The following RALY variants were observed in gnomAD, a reference collection of about 807,000 sequenced individuals.
The protein encoded by RALY is RALY heterogeneous nuclear ribonucleoprotein.
Under a neutral mutation model 30.7 loss-of-function variants are expected in RALY, and 15 were observed. The observed-to-expected ratio is 0.49, with a 90% CI of 0.33 to 0.75. The LOEUF is 0.75. Among genes scored for constraint, RALY ranks in the 30% least tolerant of loss-of-function variants. The pLI is 0.02. For missense variants in RALY, 339 were observed against 414.3 expected, an observed-to-expected ratio of 0.82 and a Z score of 1.58; for synonymous variants, 177 against 170.8, an observed-to-expected ratio of 1.04 and a Z score of -0.28.
At position 34,078,526 on chromosome 20, in the gene RALY, G is replaced by A. The variant is rs756652470; in HGVS notation, c.898G>A (p.Ala300Thr). Reference sequence around the variant, plus strand: ...TCAGGAACACAGCCAGGACACAGACGCGGATGATGGGGCCTTGCAGTAAGC... The same window carrying A: ...TCAGGAACACAGCCAGGACACAGACACGGATGATGGGGCCTTGCAGTAAGC... ...EELEHSQDTDADDGALQ is the reference protein window; with the variant it reads ...EELEHSQDTDTDDGALQ Residue 300 changes from alanine to threonine, a missense_variant, in exon 9 of 10, where the codon GCG becomes ACG. This residue lies in a region of RALY where 268 missense variants were observed against 280.6 expected (regional missense o/e 0.95). Coordinates refer to ENST00000246194, the MANE Select transcript of RALY (RefSeq NM_016732.3). The A allele has an allele frequency of 5.0e-6, 8 of 1,588,994 alleles. No individual in the cohort carries two copies. The highest frequency in any genetic ancestry group is 4.7e-5 in the East Asian group (2 of 42,842).
intron 9 of RALY, 138 bp from the exon 10 acceptor site, chr20:34,079,771 AT>A (rs2033993346): frequency 6.6e-6 from 1 of 152,298 alleles, no homozygotes; most frequent in African/African-American, 2.4e-5. Context: ...TGGCCAGGAA[AT>A]TATGAGGCCA....
intron 1 of RALY, among the ~76,000 whole-genome samples, chr20:34,004,535 C>A (rs2031073330): frequency 6.6e-6 from 1 of 152,168 alleles, no homozygotes; most frequent in South Asian, 2.1e-4. Flanking sequence ...GAGTAGTATC[C>A]ATATTCCTGC....
At chr20:34,061,816 A>G (rs1421832605) in intron 2 of RALY, among the ~76,000 whole-genome samples, 2 of 152,204 alleles carry the variant, frequency 1.3e-5, no homozygotes, top group Non-Finnish European at 2.9e-5. Flanking sequence ...TAAGTAAGCA[A>G]GTAGGTAGAA....
At chr20:34,013,787 A>G (rs1232676142) in intron 1 of RALY, among the ~76,000 whole-genome samples, 5 of 152,174 alleles carry the variant, frequency 3.3e-5, no homozygotes, top group Non-Finnish European at 7.3e-5. Context: ...ATAGTGTGCT[A>G]CTTATCTCTA....
At chr20:34,075,030 C>T (rs1164028901) in intron 5 of RALY, among the ~76,000 whole-genome samples, 1 of 152,178 alleles carries the variant, frequency 6.6e-6, no homozygotes, top group African/African-American at 2.4e-5. Flanking sequence ...GACCACTTCT[C>T]AGCCTACTGA....
At chr20:34,050,451 C>G (rs942760941) in intron 2 of RALY, among the ~76,000 whole-genome samples, 7 of 152,212 alleles carry the variant, frequency 4.6e-5, no homozygotes, top group Admixed American at 4.6e-4. Flanking sequence ...TCCAAAAATG[C>G]TTTGCTGTTG....
intron 2 of RALY, among the ~76,000 whole-genome samples, chr20:34,059,267 C>T (rs554233990): frequency 6.6e-6 from 1 of 152,288 alleles, no homozygotes; most frequent in East Asian, 1.9e-4. Flanking sequence ...GAGGAAAATA[C>T]TGATTCTGCA....
At chr20:33,996,485 T>G (rs547321204) in intron 1 of RALY, among the ~76,000 whole-genome samples, 12 of 152,288 alleles carry the variant, frequency 7.9e-5, no homozygotes, top group African/African-American at 2.9e-4. Context: ...AATTAAGTAC[T>G]ATTATTATCC....
intron 2 of RALY, among the ~76,000 whole-genome samples, chr20:34,051,040 G>A (rs1401695135): frequency 6.6e-6 from 1 of 152,166 alleles, no homozygotes; most frequent in African/African-American, 2.4e-5. Flanking sequence ...AGGGATGACT[G>A]GGAACCTTGC....
intron 2 of RALY, among the ~76,000 whole-genome samples, chr20:34,054,529 C>G (rs1453341958): frequency 6.6e-6 from 1 of 152,114 alleles, no homozygotes; most frequent in Admixed American, 6.5e-5. Flanking sequence ...ACTGCCAGAT[C>G]AGAAATTGGT....
intron 6 of RALY, among the ~76,000 whole-genome samples, 197 bp from the exon 7 acceptor site, chr20:34,076,505 G>C (rs1049706889): frequency 4.6e-5 from 7 of 152,248 alleles, no homozygotes; most frequent in African/African-American, 7.2e-5. Context: ...AAGATAGCCA[G>C]GTTCAGAAGT....
At chr20:34,058,665 G>A (rs750678314) in intron 2 of RALY, among the ~76,000 whole-genome samples, 1 of 152,166 alleles carries the variant, frequency 6.6e-6, no homozygotes, top group African/African-American at 2.4e-5. Flanking sequence ...ACTAGGGTTT[G>A]CCTAATAGAG....
chr20:34,061,812 A>G (rs1163255315), intron 2 of RALY, among the ~76,000 whole-genome samples: 2 of 152,216 alleles, frequency 1.3e-5, no homozygotes, highest in African/African-American at 4.8e-5. Context: ...GTGGTAAGTA[A>G]GCAAGTAGGT....
intron 1 of RALY, among the ~76,000 whole-genome samples, chr20:34,007,808 G>T (rs1446954211): frequency 1.1e-5 from 1 of 93,754 alleles, no homozygotes; most frequent in Non-Finnish European, 2.0e-5. Context: ...CAATAAGAGC[G>T]AAACTCCGTC....
At chr20:34,014,182 A>G (rs1375837838) in intron 1 of RALY, among the ~76,000 whole-genome samples, 11 of 152,168 alleles carry the variant, frequency 7.2e-5, no homozygotes, top group Non-Finnish European at 4.4e-5. Flanking sequence ...TCTTAGAGTC[A>G]CTTTGGAATA....
At chr20:34,053,879 T>C (rs1331702473) in intron 2 of RALY, among the ~76,000 whole-genome samples, 1 of 152,134 alleles carries the variant, frequency 6.6e-6, no homozygotes, top group African/African-American at 2.4e-5. Flanking sequence ...TTGATATTGC[T>C]GACAAGGATG....
Position 34,073,828 on chromosome 20 carries a change from C to G in RALY, c.339C>G (p.Ile113Met). Residue 113 changes from isoleucine (I) to methionine (M), a missense_variant, in exon 5 of 10, where the codon ATC becomes ATG. Physicochemically the swap from Ile to Met is conservative, Grantham distance 10 (BLOSUM62 1). Transcript: ENST00000246194. ...RAASAIYSGY[I>M]FDYDYYRDDF... ...CCCTTTGTTTCCCCAGTGGCTACAT[C>G]TTTGACTATGATTACTACCGGGACG... The G allele has an allele frequency of 6.2e-7, 1 of 1,614,166 alleles. No homozygotes were observed. The highest frequency in any genetic ancestry group is 2.2e-5 in the East Asian group (1 of 44,878).
chr20:34,078,772 G>A (rs144481678), intron 9 of RALY, among the ~76,000 whole-genome samples: 137 of 152,282 alleles, frequency 9.0e-4, no homozygotes, highest in African/African-American at 3.1e-3. Context: ...AGATGGGCCA[G>A]GCGGGCCCAC....
chr20:34,060,326 A>C (rs368399875), intron 2 of RALY, among the ~76,000 whole-genome samples: 1 of 152,248 alleles, frequency 6.6e-6, no homozygotes, highest in Non-Finnish European at 1.5e-5. Flanking sequence ...CCAACATCAC[A>C]TTCAAAGGAA....
Sources: gnomAD v4.1 joint callset for allele counts (sites outside exome capture counted in the v4.1 genomes callset) on GRCh38, gnomAD v4.1.1 for gene constraint, gnomAD v4.1.1 regional missense constraint, MANE v1.5 for transcripts, NCBI Gene and HGNC (gene_info 2026-07-23, HGNC 2026-07-21) for gene names.